GARS1: variants seen among roughly 807,000 people sequenced by gnomAD.
GARS1 encodes glycine--tRNA ligase.
A neutral mutation model predicts 86.4 loss-of-function variants in GARS1; 46 were observed. The ratio of observed to expected loss-of-function variants is 0.53; its 90% CI spans 0.42 to 0.68. The LOEUF is 0.68. Among genes scored for constraint, GARS1 ranks in the 30% least tolerant of loss-of-function variants. GARS1 has a pLI of 0.00. For missense variants in GARS1, 797 were observed against 915.6 expected (o/e 0.87, Z 1.67); for synonymous variants, 342 against 329.8 (o/e 1.04, Z -0.40).
At chr7:30,616,136 G>A in intron 9 of GARS1, 78 bp downstream of exon 9, 1 of 1,479,366 alleles carries the variant, frequency 6.8e-7, no homozygotes, top group South Asian at 1.1e-5. Flanking sequence ...ATGTGTTCTG[G>A]GTGACAAGAT....
chr7:30,603,513 A>AT lies in GARS1; in HGVS notation c.677dup (p.Met226IlefsTer3). The stretch of plus-strand genomic sequence containing the variant: ...TCTTACAGCTCATTTACAGAAATTG[A>AT]TGTCTGATAAGAAGTGTTCTGTCGA... On this transcript the variant is annotated frameshift_variant, in exon 6 of 17. Transcript: ENST00000389266. LOFTEE classifies it high-confidence loss of function. The AT allele has an allele frequency of 6.2e-7, 1 of 1,613,706 alleles. No homozygotes were observed. Among genetic ancestry groups the AT allele is most frequent in the Non-Finnish European group, 8.5e-7 (1 of 1,179,826 alleles).
chr7:30,595,107 G>A lies in GARS1; in HGVS notation c.186G>A (p.Glu62=). ...GCATGGACGGCGCGGGGGCTGAGGAGGTGCTGGCACCTCTGAGGCTAGCAG... is the reference window on the plus strand; with the variant it reads ...GCATGGACGGCGCGGGGGCTGAGGAAGTGCTGGCACCTCTGAGGCTAGCAG... The part of the protein sequence containing the change: ...RSSMDGAGAE[E]VLAPLRLAVR... The change falls in exon 1 of 17, where the codon GAG becomes GAA. Residue 62 remains glutamate (E), a synonymous_variant. Coordinates refer to ENST00000389266, the MANE Select transcript of GARS1 (RefSeq NM_002047.4). 1.3e-6 allele frequency: 2 copies of A among 1,540,990 alleles called. No individual in the cohort carries two copies. The highest frequency in any genetic ancestry group is 1.7e-6 in the Non-Finnish European group (2 of 1,148,814).
At chr7:30,596,647 T>G (rs757784136) in intron 1 of GARS1, among the ~76,000 whole-genome samples, 2 of 152,216 alleles carry the variant, frequency 1.3e-5, no homozygotes, top group Non-Finnish European at 2.9e-5. Flanking sequence ...TGTGTATTGT[T>G]TATGTTGTCT....
intron 12 of GARS1, among the ~76,000 whole-genome samples, chr7:30,624,656 T>C (rs1562781216): frequency 6.6e-6 from 1 of 151,752 alleles, no homozygotes; most frequent in African/African-American, 2.4e-5. Context: ...AATAAACCAA[T>C]AGTGGAGATA....
rs560322480 is a variant in GARS1 at position 30,616,143 on chromosome 7, A to G, written c.1194+85A>G. On this transcript the variant is annotated intron_variant, in intron 9 of 16. Transcript: ENST00000389266. ...CAAATTCTATGTGTTCTGGGTGACAAGATATTTTATTTTGGCAGTCATTTG... is the reference window on the plus strand; with the variant it reads ...CAAATTCTATGTGTTCTGGGTGACAGGATATTTTATTTTGGCAGTCATTTG... 2.7e-5 allele frequency: 40 copies of G among 1,455,034 alleles called. 1 individual carries two copies. In the South Asian group the frequency reaches 3.0e-4, roughly 11 times the overall value. 90.1% of individuals were successfully genotyped at this position (1,455,034 alleles called of 1,614,324 possible).
chr7:30,611,560 C>G (rs966967778), intron 7 of GARS1, among the ~76,000 whole-genome samples: 5 of 152,198 alleles, frequency 3.3e-5, no homozygotes, highest in African/African-American at 1.2e-4. Flanking sequence ...TCTCGGCTCA[C>G]TGCAACCTCT....
chr7:30,632,018 C>T lies in GARS1; in HGVS notation c.1904-229C>T. On this transcript the variant is annotated intron_variant, in intron 15 of 16. Coordinates refer to ENST00000389266, the MANE Select transcript of GARS1 (RefSeq NM_002047.4). This position sits in a 1 kb window ranked among gnomAD's most constrained non-coding sequence, Gnocchi z 4.1. ...ACCTTCTGGCCTTGGCTCTTGGTCC[C>T]ATATTTGTTCCCCCTATAGCTGTAT... is the stretch of plus-strand genomic sequence containing the variant. 1 of 532,568 alleles carries T rather than the reference C, an allele frequency of 1.9e-6. No homozygotes were observed. Among genetic ancestry groups the T allele is most frequent in the Non-Finnish European group, 3.4e-6 (1 of 297,192 alleles). 33.0% of individuals were successfully genotyped at this position (532,568 alleles called of 1,614,324 possible). A position where few individuals can be genotyped will look rare whatever the true frequency, so the allele number is the denominator to read the frequency against.
At chr7:30,616,984 T>A (rs1449378684) in intron 9 of GARS1, 130 bp from the exon 10 acceptor site, 2 of 866,036 alleles carry the variant, frequency 2.3e-6, no homozygotes, top group Non-Finnish European at 1.9e-6. Context: ...GAAAGCAAGA[T>A]AAAATAGTTT....
chr7:30,628,837 C>G (rs1354612079), intron 14 of GARS1, among the ~76,000 whole-genome samples, 168 bp downstream of exon 14: 2 of 152,134 alleles, frequency 1.3e-5, no homozygotes, highest in Admixed American at 1.3e-4. Flanking sequence ...AACCAGTTTC[C>G]TGTGTTATCT....
chr7:30,612,277 A>T, intron 8 of GARS1, 32 bp downstream of exon 8: 1 of 1,603,996 alleles, frequency 6.2e-7, no homozygotes, highest in Non-Finnish European at 8.5e-7. Context: ...CAAATTAGTG[A>T]ATGACCTTGG....
chr7:30,612,738 TGG>T (rs1782789799), intron 8 of GARS1, among the ~76,000 whole-genome samples: 2 of 152,052 alleles, frequency 1.3e-5, no homozygotes, highest in South Asian at 4.2e-4. Flanking sequence ...TCCAGGTATT[TGG>T]GGGGCCTATA....
chr7:30,596,863 C>T (rs1791260238), intron 1 of GARS1, among the ~76,000 whole-genome samples: 1 of 152,192 alleles, frequency 6.6e-6, no homozygotes, highest in Non-Finnish European at 1.5e-5. Context: ...ATGAGACACA[C>T]TGTCACCCCT....
intron 2 of GARS1, 36 bp from the exon 3 acceptor site, chr7:30,599,911 C>T (rs1791338118): frequency 7.7e-7 from 1 of 1,306,704 alleles, no homozygotes; most frequent in Admixed American, 1.7e-5. Context: ...CCCACCCACC[C>T]CTCCACTCAC....
At chr7:30,595,718 G>C (rs1281627489) in intron 1 of GARS1, 1 of 469,748 alleles carries the variant, frequency 2.1e-6, no homozygotes, top group African/African-American at 2.0e-5. Flanking sequence ...ATGATTGGCT[G>C]AGAAAATAGA....
Position 30,598,805 on chromosome 7 carries a change from G to A in GARS1, c.232G>A (p.Val78Met). Residue 78 changes from valine (V) to methionine (M), a missense_variant, in exon 2 of 17, where the codon GTG becomes ATG. Val to Met is a conservative substitution (Grantham distance 21). Around this residue, in one of 2 missense-constraint regions of GARS1, gnomAD observed 199 missense variants for 176.9 expected, o/e 1.12. Transcript: ENST00000389266. ...TCTCTTTCTTGGCTAGGGAGATCTT[G>A]TGCGAAAACTCAAAGAAGATAAAGC... ...RLAVRQQGDL[V>M]RKLKEDKAPQ... The A allele has an allele frequency of 6.2e-7, 1 of 1,613,632 alleles. No homozygotes were observed. The highest frequency in any genetic ancestry group is 1.1e-5 in the South Asian group (1 of 91,076).
intron 6 of GARS1, among the ~76,000 whole-genome samples, chr7:30,605,952 A>C (rs946599266): frequency 1.3e-5 from 2 of 152,120 alleles, no homozygotes; most frequent in African/African-American, 4.8e-5. Context: ...TATGTTTCTT[A>C]TATCTCTTCC....
chr7:30,598,719 G>A (rs966516048), intron 1 of GARS1, 77 bp from the exon 2 acceptor site: 2 of 1,224,934 alleles, frequency 1.6e-6, no homozygotes, highest in Admixed American at 3.6e-5. Context: ...TTTTTAAAAG[G>A]CACGCTTAAA....
At chr7:30,606,283 G>C (rs1562774024) in intron 6 of GARS1, among the ~76,000 whole-genome samples, 1 of 149,206 alleles carries the variant, frequency 6.7e-6, no homozygotes, top group Non-Finnish European at 1.5e-5. Flanking sequence ...ATTTCAAAAT[G>C]GTGATTTTTG....
intron 7 of GARS1, among the ~76,000 whole-genome samples, chr7:30,611,779 C>T (rs185152046): frequency 1.3e-5 from 2 of 152,254 alleles, no homozygotes; most frequent in Admixed American, 1.3e-4. Context: ...CGACTGCGCG[C>T]GGCCTGAGGT....
Sources: allele counts gnomAD v4.1 joint callset (sites outside exome capture counted in the v4.1 genomes callset), GRCh38; gene constraint gnomAD v4.1.1; regional missense constraint gnomAD v4.1.1; non-coding constraint Gnocchi (gnomAD v3.1); transcripts MANE v1.5; gene names NCBI Gene and HGNC (gene_info 2026-07-23, HGNC 2026-07-21).